Variants in HSPG2 observed in about 807,000 individuals in gnomAD.
HSPG2 encodes basement membrane-specific heparan sulfate proteoglycan core protein.
A neutral mutation model predicts 526.6 loss-of-function variants in HSPG2; 278 were observed. That is an observed-to-expected ratio of 0.53 (90% CI 0.48 to 0.58). HSPG2 has a LOEUF of 0.58. Among genes scored for constraint, HSPG2 ranks in the 20% least tolerant of loss-of-function variants. The pLI is 0.00. For missense variants in HSPG2, 5,354 were observed against 6,099.5 expected, an observed-to-expected ratio of 0.88 and a Z score of 4.07; for synonymous variants, 2,465 against 2,555.4, an observed-to-expected ratio of 0.96 and a Z score of 1.07.
intron 1 of HSPG2, among the ~76,000 whole-genome samples, chr1:21,896,527 C>G (rs1016907487): frequency 2.6e-5 from 4 of 152,238 alleles, no homozygotes; most frequent in East Asian, 1.9e-4. Flanking sequence ...GAGCCCAACC[C>G]TGCTATTTCC....
At position 21,824,740 on chromosome 1, in the gene HSPG2, C is replaced by T; in HGVS notation, c.12629G>A (p.Gly4210Asp). Residue 4210 changes from glycine (G) to aspartate (D), a missense_variant, in exon 92 of 97, where the codon GGC (glycine) becomes GAC (aspartate). Coordinates refer to ENST00000374695, the MANE Select transcript of HSPG2 (RefSeq NM_005529.7). This position sits in a 1 kb window ranked among gnomAD's most constrained non-coding sequence, Gnocchi z 5.9. The stretch of plus-strand genomic sequence containing the variant: ...GACATGGCCAGGGAAGGCGAGGAAG[C>T]CATCATCGTGGAAATAGGCTCCGTA... ...GQYGAYFHDD[G>D]FLAFPGHVFS... 6.2e-7 allele frequency: 1 copy of T among 1,613,656 alleles called. No individual in the cohort carries two copies. The highest frequency in any genetic ancestry group is 8.5e-7 in the Non-Finnish European group (1 of 1,179,868).
Position 21,876,159 on chromosome 1 carries a change from C to T in HSPG2, c.3003+70G>A, listed in dbSNP as rs150973586. ...TTCTCCCAAGGCACCACGACCCTCC[C>T]GCCTCCAAGCCTTTGCCTGCGCTGT... On this transcript the variant is annotated intron_variant, in intron 23 of 96. Coordinates refer to ENST00000374695, the MANE Select transcript of HSPG2 (RefSeq NM_005529.7). 673 of 1,564,416 alleles carry T rather than the reference C, an allele frequency of 4.3e-4. 3 individuals carry two copies. Among genetic ancestry groups the T allele is most frequent in the East Asian group, 8.4e-4 (36 of 42,614 alleles).
rs1344227686 is a variant in HSPG2 at position 21,876,645 on chromosome 1, A to G, written c.2693T>C (p.Val898Ala). 1.2e-6 allele frequency: 2 copies of G among 1,614,068 alleles called. No individual in the cohort carries two copies. Among genetic ancestry groups the G allele is most frequent in the East Asian group, 2.2e-5 (1 of 44,890 alleles). ...ACATTCATTGCACAAGCGCCCCACC[A>G]CATTGTTCTGCAGGCACAGAGTTGG... ...SGEACRCKNN[V>A]VGRLCNECAD... is the part of the protein sequence containing the mutation. Residue 898 changes from valine (V) to alanine (A), a missense_variant, in exon 22 of 97, where the codon GTG becomes GCG. Coordinates refer to ENST00000374695, the MANE Select transcript of HSPG2 (RefSeq NM_005529.7).
rs1451430000 is a variant in HSPG2 at position 21,893,744 on chromosome 1, G to A, written c.244+2178C>T. ...GAGATGGAGAGAAGCAGAGAGAGAGGCAGAGACATTGCAAGAGAGAGGGAG... is the reference window on the plus strand; with the variant it reads ...GAGATGGAGAGAAGCAGAGAGAGAGACAGAGACATTGCAAGAGAGAGGGAG... On this transcript the variant is annotated intron_variant, in intron 3 of 96. Coordinates refer to ENST00000374695, the MANE Select transcript of HSPG2 (RefSeq NM_005529.7). The surrounding 1 kb of genome is among the most constrained non-coding windows in gnomAD (Gnocchi z 4.3). Among the ~76,000 whole-genome samples the A allele has an allele frequency of 6.6e-6, 1 of 151,934 alleles. No individual in the cohort carries two copies. Among genetic ancestry groups the A allele is most frequent in the African/African-American group, 2.4e-5 (1 of 41,330 alleles).
intron 1 of HSPG2, among the ~76,000 whole-genome samples, chr1:21,933,832 T>C (rs1044299582): frequency 6.6e-6 from 1 of 152,206 alleles, no homozygotes; most frequent in Non-Finnish European, 1.5e-5. Flanking sequence ...AGTAGGCTAG[T>C]GTCAGGTGAC....
chr1:21,858,132 G>A lies in HSPG2; in HGVS notation c.5294-747C>T, dbSNP rs905350534. 1.3e-5 allele frequency among the ~76,000 whole-genome samples: 2 copies of A among 152,146 alleles called. No homozygotes were observed. Among genetic ancestry groups the A allele is most frequent in the African/African-American group, 2.4e-5 (1 of 41,434 alleles). On this transcript the variant is annotated intron_variant, in intron 42 of 96. Coordinates refer to ENST00000374695, the MANE Select transcript of HSPG2 (RefSeq NM_005529.7). The surrounding 1 kb of genome is among the most constrained non-coding windows in gnomAD (Gnocchi z 4.2). Reference sequence around the variant, plus strand: ...ACTCTTGCAGGAGTTGTCCACACTCGCTGCCTTCCCACCCATGTGTCGCCT... The same window carrying A: ...ACTCTTGCAGGAGTTGTCCACACTCACTGCCTTCCCACCCATGTGTCGCCT...
chr1:21,823,755 C>G lies in HSPG2; in HGVS notation c.12900-36G>C, dbSNP rs541223186. ...ACTGGGTCAGGCCCCTTTCCACAAACTTCCTGGTCCTCCCCGGCCCCACGA... is the reference window on the plus strand; with the variant it reads ...ACTGGGTCAGGCCCCTTTCCACAAAGTTCCTGGTCCTCCCCGGCCCCACGA... On this transcript the variant is annotated intron_variant, in intron 95 of 96. Coordinates refer to ENST00000374695, the MANE Select transcript of HSPG2 (RefSeq NM_005529.7). 21 of 1,540,042 alleles carry G rather than the reference C, an allele frequency of 1.4e-5. No individual in the cohort carries two copies. The South Asian group carries it at 2.3e-4, about 17-fold the overall frequency.
chr1:21,877,071 A>AAG (rs1480124252), intron 21 of HSPG2, among the ~76,000 whole-genome samples: 2 of 151,466 alleles, frequency 1.3e-5, no homozygotes, highest in Admixed American at 6.6e-5. Context: ...AAAAAAAAAA[A>AAG]AAAAAGAAAA....
In HSPG2 at chr1:21,844,205, C is replaced by T; in HGVS notation, c.8559G>A (p.Gln2853=). 1 of 1,613,808 alleles carries T rather than the reference C, an allele frequency of 6.2e-7. No individual in the cohort carries two copies. The highest frequency in any genetic ancestry group is 8.5e-7 in the Non-Finnish European group (1 of 1,180,038). ...TGTGCCACGTGACCTGGGCGTGGGC[C>T]TGCCCGGGCACCACGCACTTCAGAT... ...TLDLKCVVPG[Q]AHAQVTWHKR... is the part of the protein sequence containing the mutation. The change falls in exon 65 of 97, where the codon CAG becomes CAA. Residue 2853 remains glutamine (Q), a synonymous_variant. Transcript: ENST00000374695.
chr1:21,867,053 A>AT (rs989155166), intron 33 of HSPG2, among the ~76,000 whole-genome samples: 3 of 116,658 alleles, frequency 2.6e-5, no homozygotes, highest in African/African-American at 1.0e-4. Flanking sequence ...ATTTTTAAAA[A>AT]TTTTTTATTT....
rs1440619793 is a variant in HSPG2 at position 21,899,574 on chromosome 1, C to T, written c.64-3264G>A. 2.6e-5 allele frequency among the ~76,000 whole-genome samples: 4 copies of T among 152,122 alleles called. No homozygotes were observed. The South Asian group carries it at 8.3e-4, about 32-fold the overall frequency. On this transcript the variant is annotated intron_variant, in intron 1 of 96. Transcript: ENST00000374695. ...TGGTGGTCGGGCTCCAATACCTAAG[C>T]AGCTACCACTGTGCTATATCACCTC...
intron 1 of HSPG2, among the ~76,000 whole-genome samples, chr1:21,907,753 A>G (rs1232887302): frequency 6.6e-6 from 1 of 152,136 alleles, no homozygotes; most frequent in African/African-American, 2.4e-5. Context: ...GTTTCAAGCG[A>G]TCCTCCTGCC....
Position 21,831,236 on chromosome 1 carries a change from G to T in HSPG2, c.11541C>A (p.Thr3847=). Residue 3847 remains threonine, a synonymous_variant, in exon 84 of 97, where the codon ACC becomes ACA. Coordinates refer to ENST00000374695, the MANE Select transcript of HSPG2 (RefSeq NM_005529.7). ...LTAHGISHCP[T]CRDRPCQNGG... Reference sequence around the variant, plus strand: ...TCACCTGGCAGGGCCGGTCCCGACAGGTGGGGCAGTGGGAGATGCCGTGCG... The same window carrying T: ...TCACCTGGCAGGGCCGGTCCCGACATGTGGGGCAGTGGGAGATGCCGTGCG... 1 of 1,614,030 alleles carries T rather than the reference G, an allele frequency of 6.2e-7. No homozygotes were observed.
At position 21,890,239 on chromosome 1, in the gene HSPG2, G is replaced by C. The variant is rs1642255900; in HGVS notation, c.414-98C>G. 8.8e-6 allele frequency: 13 copies of C among 1,482,126 alleles called. No homozygotes were observed. In the East Asian group the frequency reaches 2.9e-4, roughly 33 times the overall value. 91.8% of individuals were successfully genotyped at this position (1,482,126 alleles called of 1,614,324 possible). On this transcript the variant is annotated intron_variant, in intron 5 of 96. Transcript: ENST00000374695. The surrounding 1 kb of genome is among the most constrained non-coding windows in gnomAD (Gnocchi z 4.1). ...GCCCCGACGCTCAGGCCCTGTTCCG[G>C]GACAGCCTGTACCCAAAGAAGGGCA...
rs370883205 is a variant in HSPG2 at position 21,833,539 on chromosome 1, C to G, written c.10906G>C (p.Ala3636Pro). 5.6e-6 allele frequency: 9 copies of G among 1,613,982 alleles called. No homozygotes were observed. The Admixed American group carries it at 1.5e-4, about 27-fold the overall frequency. The change falls in exon 79 of 97, where the codon GCA becomes CCA. Residue 3636 changes from alanine to proline, a missense_variant. Coordinates refer to ENST00000374695, the MANE Select transcript of HSPG2 (RefSeq NM_005529.7). ...GTGGCGGTGCAGACGTAGGTACCTG[C>G]GTCCTGGGGTCGGACTGAGGGCAGC... ...LMLPSVRPQD[A>P]GTYVCTATNR...
chr1:21,919,511 C>T (rs1446077904), intron 1 of HSPG2, among the ~76,000 whole-genome samples: 1 of 151,818 alleles, frequency 6.6e-6, no homozygotes, highest in Non-Finnish European at 1.5e-5. Flanking sequence ...CTATTCTTCA[C>T]TGAACCCCCA....
intron 70 of HSPG2, 87 bp from the exon 71 acceptor site, chr1:21,841,372 G>A (rs1268285748): frequency 7.0e-6 from 11 of 1,577,480 alleles, no homozygotes; most frequent in Non-Finnish European, 9.6e-6. Context: ...AGTAACTGCT[G>A]GGTGGGCACC....
At chr1:21,899,762 C>T (rs753798026) in intron 1 of HSPG2, among the ~76,000 whole-genome samples, 1 of 152,196 alleles carries the variant, frequency 6.6e-6, no homozygotes, top group Non-Finnish European at 1.5e-5. Flanking sequence ...ATGAATGCTC[C>T]CCTTCCCCAG....
At chr1:21,902,482 C>G (rs1253323185) in intron 1 of HSPG2, among the ~76,000 whole-genome samples, 1 of 152,224 alleles carries the variant, frequency 6.6e-6, no homozygotes, top group Non-Finnish European at 1.5e-5. Context: ...TGGAGGCACA[C>G]TCATTTGATA....
Sources: allele counts gnomAD v4.1 joint callset (sites outside exome capture counted in the v4.1 genomes callset), GRCh38; gene constraint gnomAD v4.1.1; non-coding constraint Gnocchi (gnomAD v3.1); transcripts MANE v1.5; gene names NCBI Gene and HGNC (gene_info 2026-07-23, HGNC 2026-07-21).